Variants in WNT3A observed in about 807,000 individuals in gnomAD.
WNT3A encodes the protein protein Wnt-3a.
A neutral mutation model predicts 37.0 loss-of-function variants in WNT3A; 17 were observed. The observed-to-expected ratio is 0.46, with a 90% CI of 0.31 to 0.69. The LOEUF is 0.69. Ranked by LOEUF, WNT3A falls within the 30% of genes least tolerant of loss-of-function variation. The pLI is 0.05. For synonymous variants in WNT3A, 187 were observed against 211.0 expected, an observed-to-expected ratio of 0.89 and a Z score of 0.99; for missense variants, 411 against 510.2, an observed-to-expected ratio of 0.81 and a Z score of 1.87.
chr1:228,059,630 G>C lies in WNT3A; in HGVS notation c.*165G>C. 10 of 1,380,072 alleles carry C rather than the reference G, an allele frequency of 7.2e-6. No individual in the cohort carries two copies. The highest frequency in any genetic ancestry group is 9.3e-6 in the Non-Finnish European group (10 of 1,074,268). 85.5% of individuals were successfully genotyped at this position (1,380,072 alleles called of 1,614,324 possible). A position where few individuals can be genotyped will look rare whatever the true frequency, so the allele number is the denominator to read the frequency against. On this transcript the variant is annotated 3_prime_UTR_variant, in exon 4 of 4. Coordinates refer to ENST00000284523, the MANE Select transcript of WNT3A (RefSeq NM_033131.4). Reference sequence around the variant, plus strand: ...CTGGGGGCAGAACTCCTACCTGAAGGCAGGGCTCCTCCCTGGAGCTAGTGT... The same window carrying C: ...CTGGGGGCAGAACTCCTACCTGAAGCCAGGGCTCCTCCCTGGAGCTAGTGT...
intron 3 of WNT3A, among the ~76,000 whole-genome samples, chr1:228,055,865 G>A (rs150517928): frequency 6.6e-6 from 1 of 152,204 alleles, no homozygotes; most frequent in South Asian, 2.1e-4. Context: ...CTGAAGCCTG[G>A]AGGTTTGTTT....
At chr1:228,028,884 T>C (rs2102768064) in intron 2 of WNT3A, among the ~76,000 whole-genome samples, 1 of 152,322 alleles carries the variant, frequency 6.6e-6, no homozygotes, top group East Asian at 1.9e-4. Flanking sequence ...TATTTAACTT[T>C]CAAGGTTTTC....
rs2030267171 is a variant in WNT3A, at chr1:228,008,346, C to A, written c.71+1147C>A. On this transcript the variant is annotated intron_variant, in intron 1 of 3. Coordinates refer to ENST00000284523, the MANE Select transcript of WNT3A (RefSeq NM_033131.4). This position sits in a 1 kb window ranked among gnomAD's most constrained non-coding sequence, Gnocchi z 4.9. ...GCCGAGGGGAAGGGGGGAGACCCAGCGAGCCGAGGTACATCTAATCCGATA... is the reference window on the plus strand; with the variant it reads ...GCCGAGGGGAAGGGGGGAGACCCAGAGAGCCGAGGTACATCTAATCCGATA... Among the ~76,000 whole-genome samples the A allele has an allele frequency of 6.6e-6, 1 of 152,296 alleles. No individual in the cohort carries two copies. The highest frequency in any genetic ancestry group is 1.9e-4 in the East Asian group (1 of 5,174).
At chr1:228,054,405 G>A (rs895433014) in intron 3 of WNT3A, among the ~76,000 whole-genome samples, 21 of 150,984 alleles carry the variant, frequency 1.4e-4, no homozygotes, top group East Asian at 9.9e-4. Context: ...TGGGCGGATC[G>A]TGAGGTCAGG....
chr1:228,059,901 G>A lies in WNT3A; in HGVS notation c.*436G>A. The A allele has an allele frequency of 6.7e-6, 7 of 1,043,152 alleles. No homozygotes were observed. The highest frequency in any genetic ancestry group is 8.1e-6 in the Non-Finnish European group (7 of 865,518). 64.6% of individuals were successfully genotyped at this position (1,043,152 alleles called of 1,614,324 possible). A position where few individuals can be genotyped will look rare whatever the true frequency, so the allele number is the denominator to read the frequency against. On this transcript the variant is annotated 3_prime_UTR_variant, in exon 4 of 4. Transcript: ENST00000284523. ...ACCTGCAGGCGGGGCTCCTCCTGAAGGAGGCGGGGCTCTAGGATGGGGCAC... is the reference window on the plus strand; with the variant it reads ...ACCTGCAGGCGGGGCTCCTCCTGAAAGAGGCGGGGCTCTAGGATGGGGCAC...
At chr1:228,046,219 G>A (rs1001926812) in intron 2 of WNT3A, among the ~76,000 whole-genome samples, 1 of 152,390 alleles carries the variant, frequency 6.6e-6, no homozygotes, top group Non-Finnish European at 1.5e-5. Context: ...GGCATTGGGC[G>A]AAGACCTCAG....
At chr1:228,056,973 G>A (rs2031694997) in intron 3 of WNT3A, among the ~76,000 whole-genome samples, 1 of 151,972 alleles carries the variant, frequency 6.6e-6, no homozygotes, top group Non-Finnish European at 1.5e-5. Flanking sequence ...TTTAGACATG[G>A]ACATTTCAAA....
At position 228,008,539 on chromosome 1, in the gene WNT3A, G is replaced by T. The variant is rs754560835; in HGVS notation, c.71+1340G>T. On this transcript the variant is annotated intron_variant, in intron 1 of 3. Coordinates refer to ENST00000284523, the MANE Select transcript of WNT3A (RefSeq NM_033131.4). The surrounding 1 kb of genome is among the most constrained non-coding windows in gnomAD (Gnocchi z 4.9). ...GGGACCCCCGCGCGCCCCTATTTCC[G>T]CGTGCCCCATTTCCCGTGCGGCACC... is the stretch of plus-strand genomic sequence containing the variant. Among the ~76,000 whole-genome samples, 1 of 152,002 alleles carries T rather than the reference G, an allele frequency of 6.6e-6. No individual in the cohort carries two copies. The highest frequency in any genetic ancestry group is 1.5e-5 in the Non-Finnish European group (1 of 67,988).
chr1:228,019,909 AC>A (rs1482446869), intron 1 of WNT3A, among the ~76,000 whole-genome samples: 12 of 152,126 alleles, frequency 7.9e-5, no homozygotes, highest in Non-Finnish European at 1.5e-5. Flanking sequence ...ACCTGGGGCA[AC>A]CACCTCACCC....
rs565637088 is a variant in WNT3A at position 228,014,470 on chromosome 1, C to T, written c.71+7271C>T. 7.9e-5 allele frequency among the ~76,000 whole-genome samples: 12 copies of T among 152,272 alleles called. No homozygotes were observed. The East Asian group carries it at 2.3e-3, about 29-fold the overall frequency. On this transcript the variant is annotated intron_variant, in intron 1 of 3. Coordinates refer to ENST00000284523, the MANE Select transcript of WNT3A (RefSeq NM_033131.4). Reference sequence around the variant, plus strand: ...GCTCTGAGTTCGCTAAATTTTACTGCTAAAAGACACCAGGCCTGGACTTGA... The same window carrying T: ...GCTCTGAGTTCGCTAAATTTTACTGTTAAAAGACACCAGGCCTGGACTTGA...
rs79049155 is a variant in WNT3A at position 228,059,342 on chromosome 1, C to T, written c.936C>T (p.Cys312=). The change falls in exon 4 of 4, where the codon TGC becomes TGT. Residue 312 remains cysteine (C), a synonymous_variant. Coordinates refer to ENST00000284523, the MANE Select transcript of WNT3A (RefSeq NM_033131.4). ...HGIDGCDLLC[C]GRGHNARAER... ...TCGACGGCTGCGACCTGCTGTGCTG[C>T]GGCCGCGGCCACAACGCGCGAGCGG... 2.2e-4 allele frequency: 342 copies of T among 1,566,168 alleles called. 1 individual carries two copies. In the African/African-American group the frequency reaches 4.0e-3, roughly 19 times the overall value.
intron 2 of WNT3A, among the ~76,000 whole-genome samples, chr1:228,045,683 G>A (rs191924176): frequency 1.3e-5 from 2 of 152,310 alleles, no homozygotes; most frequent in East Asian, 3.9e-4. Flanking sequence ...GTAACATGGG[G>A]TCAGGGGTGG....
Position 228,042,101 on chromosome 1 carries a change from C to G in WNT3A, c.314-8555C>G, listed in dbSNP as rs1253772844. Among the ~76,000 whole-genome samples the G allele has an allele frequency of 6.6e-6, 1 of 152,126 alleles. No individual in the cohort carries two copies. Among genetic ancestry groups the G allele is most frequent in the Non-Finnish European group, 1.5e-5 (1 of 68,026 alleles). Reference sequence around the variant, plus strand: ...TCAAGCGATTCTCCCACCTCAGCCTCTTGAGTAGCTGGCACTACAGGTGCA... The same window carrying G: ...TCAAGCGATTCTCCCACCTCAGCCTGTTGAGTAGCTGGCACTACAGGTGCA... On this transcript the variant is annotated intron_variant, in intron 2 of 3. Coordinates refer to ENST00000284523, the MANE Select transcript of WNT3A (RefSeq NM_033131.4). This position sits in a 1 kb window ranked among gnomAD's most constrained non-coding sequence, Gnocchi z 5.2.
rs750280769 is a variant in WNT3A at position 228,050,939 on chromosome 1, A to G, written c.579+18A>G. ...GGCGCCAGGTAGGTTCGCCGCCCGC[A>G]AGGGTGCTTGGGAAAAAGGAGCCTC... On this transcript the variant is annotated intron_variant, in intron 3 of 3. Coordinates refer to ENST00000284523, the MANE Select transcript of WNT3A (RefSeq NM_033131.4). This position sits in a 1 kb window ranked among gnomAD's most constrained non-coding sequence, Gnocchi z 5.0. 32 of 1,517,606 alleles carry G rather than the reference A, an allele frequency of 2.1e-5. No individual in the cohort carries two copies. The highest frequency in any genetic ancestry group is 2.7e-5 in the Non-Finnish European group (31 of 1,133,980). 94.0% of individuals were successfully genotyped at this position (1,517,606 alleles called of 1,614,324 possible).
intron 1 of WNT3A, among the ~76,000 whole-genome samples, chr1:228,011,531 C>G (rs1229498233): frequency 6.6e-6 from 1 of 152,158 alleles, no homozygotes; most frequent in African/African-American, 2.4e-5. Context: ...CTGTCTGTCT[C>G]TCTCTCTTCC....
chr1:228,044,215 GA>G (rs2031350234), intron 2 of WNT3A, among the ~76,000 whole-genome samples: 1 of 152,078 alleles, frequency 6.6e-6, no homozygotes, highest in Non-Finnish European at 1.5e-5. Flanking sequence ...TTTTTATTTT[GA>G]AATAATTTCA....
In WNT3A at chr1:228,058,906, C is replaced by A. The variant is rs1192120640; in HGVS notation, c.580-80C>A. The stretch of plus-strand genomic sequence containing the variant: ...GGGGCTTTATGGAGCAGGTAGGCTG[C>A]AGGCGACATGTAATGCTGTTTCCTC... On this transcript the variant is annotated intron_variant, in intron 3 of 3. Coordinates refer to ENST00000284523, the MANE Select transcript of WNT3A (RefSeq NM_033131.4). The A allele has an allele frequency of 5.1e-6, 7 of 1,381,458 alleles. No individual in the cohort carries two copies. In the East Asian group the frequency reaches 1.5e-4, roughly 29 times the overall value. The allele number at this position is 1,381,458 out of a possible 1,614,324, so 85.6% of individuals were successfully genotyped here.
intron 1 of WNT3A, among the ~76,000 whole-genome samples, chr1:228,011,046 C>T (rs1053131549): frequency 2.6e-5 from 4 of 152,182 alleles, no homozygotes; most frequent in Non-Finnish European, 4.4e-5. Context: ...AGGCACTTCG[C>T]CCCTGTGTCC....
Position 228,019,219 on chromosome 1 carries a change from G to A in WNT3A, c.72-3448G>A, listed in dbSNP as rs117182328. Among the ~76,000 whole-genome samples, 180 of 152,304 alleles carry A rather than the reference G, an allele frequency of 1.2e-3. 5 individuals carry two copies. In the East Asian group the frequency reaches 0.029, roughly 25 times the overall value. ...TTATCTAGAGACCAGGGACAAGGCC[G>A]CCCCTCCCAGCCCCGAGCCTGCGAG... On this transcript the variant is annotated intron_variant, in intron 1 of 3. Transcript: ENST00000284523.
Sources: allele counts gnomAD v4.1 joint callset (sites outside exome capture counted in the v4.1 genomes callset), GRCh38; gene constraint gnomAD v4.1.1; non-coding constraint Gnocchi (gnomAD v3.1); transcripts MANE v1.5; gene names NCBI Gene and HGNC (gene_info 2026-07-23, HGNC 2026-07-21).